Variants in KDM4B observed in about 807,000 individuals in gnomAD.
KDM4B encodes the protein lysine-specific demethylase 4B.
A neutral mutation model predicts 125.2 loss-of-function variants in KDM4B; 32 were observed. The ratio of observed to expected loss-of-function variants is 0.26; its 90% CI spans 0.19 to 0.34. The LOEUF (loss-of-function observed/expected upper bound fraction) is 0.34. KDM4B is among the 10% of genes least tolerant of loss of function. The probability of loss-of-function intolerance (pLI) is 1.00; values close to 1 mark genes in which losing one functional copy is unlikely to be tolerated. For missense variants in KDM4B, 1,190 were observed against 1,577.7 expected (o/e 0.75, Z 4.16); for synonymous variants, 721 against 677.9 (o/e 1.06, Z -0.99).
intron 9 of KDM4B, among the ~76,000 whole-genome samples, chr19:5,102,460 G>T (rs4807689): frequency 1.9e-4 from 29 of 152,268 alleles, no homozygotes; most frequent in Admixed American, 1.8e-3. Context: ...CAATGTGGAA[G>T]TCACCAAGGA....
At chr19:5,109,683 C>T (rs1005288837) in intron 9 of KDM4B, among the ~76,000 whole-genome samples, 1 of 152,272 alleles carries the variant, frequency 6.6e-6, no homozygotes, top group East Asian at 1.9e-4. Flanking sequence ...CCTCCCAGAC[C>T]CTCAGCATCT....
In KDM4B at chr19:5,147,984, C is replaced by T. The variant is rs796237981; in HGVS notation, c.3022-2374C>T. 3.9e-5 allele frequency among the ~76,000 whole-genome samples: 6 copies of T among 152,274 alleles called. No homozygotes were observed. In the South Asian group the frequency reaches 6.2e-4, roughly 16 times the overall value. On this transcript the variant is annotated intron_variant, in intron 21 of 22. Coordinates refer to ENST00000159111, the MANE Select transcript of KDM4B (RefSeq NM_015015.3). ...AGGGCCTGGTCAGCGGGGCGGGTGGCTGGGGTGGGCCCAGGTGACAGCGAG... is the reference window on the plus strand; with the variant it reads ...AGGGCCTGGTCAGCGGGGCGGGTGGTTGGGGTGGGCCCAGGTGACAGCGAG...
intron 2 of KDM4B, 51 bp from the exon 3 acceptor site, chr19:5,032,815 G>A: frequency 6.5e-7 from 1 of 1,534,416 alleles, no homozygotes; most frequent in South Asian, 1.2e-5. Context: ...GGGCTCCAAG[G>A]GCTGGGCATG....
chr19:5,051,806 G>A (rs559082392), intron 6 of KDM4B, among the ~76,000 whole-genome samples: 26 of 152,358 alleles, frequency 1.7e-4, no homozygotes, highest in Admixed American at 3.3e-4. Context: ...ATGACCCGCG[G>A]CAGTCTGGAA....
chr19:5,071,442 G>A lies in KDM4B; in HGVS notation c.676+383G>A, dbSNP rs533370465. ...CCTTGCTAATTCTGAGAAAGCCTAGGAAAGGAGACAATTCAGCCAGCAGTC... is the reference window on the plus strand; with the variant it reads ...CCTTGCTAATTCTGAGAAAGCCTAGAAAAGGAGACAATTCAGCCAGCAGTC... On this transcript the variant is annotated intron_variant, in intron 7 of 22. Coordinates refer to ENST00000159111, the MANE Select transcript of KDM4B (RefSeq NM_015015.3). Among the ~76,000 whole-genome samples the A allele has an allele frequency of 2.0e-5, 3 of 152,338 alleles. No homozygotes were observed. In the South Asian group the frequency reaches 6.2e-4, roughly 32 times the overall value.
In KDM4B at chr19:5,152,464, C is replaced by T. The variant is rs2039965124; in HGVS notation, c.*953C>T. ...CTCAGGATGAGGGAGGCCCCCAGGC[C>T]CTTCTGGTTGGTAGTGAGTGTGGAC... On this transcript the variant is annotated 3_prime_UTR_variant, in exon 23 of 23. Coordinates refer to ENST00000159111, the MANE Select transcript of KDM4B (RefSeq NM_015015.3). 6.6e-6 allele frequency: 1 copy of T among 152,336 alleles called. No individual in the cohort carries two copies. The highest frequency in any genetic ancestry group is 1.5e-5 in the Non-Finnish European group (1 of 68,136). 9.4% of individuals were successfully genotyped at this position (152,336 alleles called of 1,614,324 possible). A position where few individuals can be genotyped will look rare whatever the true frequency, so the allele number is the denominator to read the frequency against.
chr19:5,105,017 G>A (rs532872481), intron 9 of KDM4B, among the ~76,000 whole-genome samples: 1 of 152,360 alleles, frequency 6.6e-6, no homozygotes, highest in African/African-American at 2.4e-5. Flanking sequence ...CGCACCCCCT[G>A]GGCTCCGTCC....
intron 11 of KDM4B, among the ~76,000 whole-genome samples, chr19:5,126,155 A>G (rs1011415749): frequency 2.0e-5 from 3 of 152,108 alleles, no homozygotes; most frequent in African/African-American, 7.2e-5. Context: ...TGTTGCTCAC[A>G]GGGGCCAGGG....
chr19:5,009,250 C>A (rs1238669225), intron 1 of KDM4B, among the ~76,000 whole-genome samples: 3 of 152,120 alleles, frequency 2.0e-5, no homozygotes, highest in African/African-American at 7.2e-5. Context: ...ATGCCACCTT[C>A]CTCAGTTGGA....
intron 2 of KDM4B, among the ~76,000 whole-genome samples, chr19:5,024,726 G>A (rs941085476): frequency 5.9e-5 from 9 of 151,976 alleles, no homozygotes; most frequent in African/African-American, 1.9e-4. Context: ...CGAGGTGGGT[G>A]GATCATGAGG....
At chr19:5,135,232 C>T in intron 14 of KDM4B, 107 bp from the exon 15 acceptor site, 1 of 709,890 alleles carries the variant, frequency 1.4e-6, no homozygotes, top group Admixed American at 2.5e-5. Flanking sequence ...CCCTCCAGAG[C>T]CAGGGGGTGT....
intron 1 of KDM4B, among the ~76,000 whole-genome samples, chr19:4,984,764 C>A (rs905337154): frequency 2.6e-5 from 4 of 152,172 alleles, no homozygotes; most frequent in Non-Finnish European, 5.9e-5. Flanking sequence ...TGCCCTTGGG[C>A]TGTCCCCTGG....
Position 5,013,007 on chromosome 19 carries a change from C to T in KDM4B, c.-108-3250C>T, listed in dbSNP as rs571797112. The stretch of plus-strand genomic sequence containing the variant: ...TATTGCGGATGGGGACCAGGGTGGA[C>T]AGAGGCCTAGGCTCGGGCTGTGCCT... On this transcript the variant is annotated intron_variant, in intron 1 of 22. Transcript: ENST00000159111. Among the ~76,000 whole-genome samples, 3 of 152,314 alleles carry T rather than the reference C, an allele frequency of 2.0e-5. No individual in the cohort carries two copies. The East Asian group carries it at 5.8e-4, about 29-fold the overall frequency.
chr19:4,977,171 G>A (rs1377205693), intron 1 of KDM4B, among the ~76,000 whole-genome samples: 4 of 152,022 alleles, frequency 2.6e-5, no homozygotes, highest in African/African-American at 4.8e-5. Context: ...ACAAGTTTGC[G>A]TCCAGCCATC....
chr19:5,059,350 G>A (rs980982913), intron 6 of KDM4B, among the ~76,000 whole-genome samples: 1 of 152,218 alleles, frequency 6.6e-6, no homozygotes, highest in African/African-American at 2.4e-5. Flanking sequence ...GGCGCAGGAT[G>A]GGGCCGATGA....
chr19:5,031,467 G>A (rs963044670), intron 2 of KDM4B, among the ~76,000 whole-genome samples: 3 of 152,244 alleles, frequency 2.0e-5, no homozygotes, highest in Non-Finnish European at 2.9e-5. Flanking sequence ...GAGAAGCTGC[G>A]AGGACTCTGC....
intron 18 of KDM4B, among the ~76,000 whole-genome samples, chr19:5,139,345 G>A (rs528069679): frequency 2.1e-4 from 32 of 152,336 alleles, no homozygotes; most frequent in East Asian, 9.6e-4. Flanking sequence ...CCGGGCACCC[G>A]CCGATGTCTC....
At chr19:5,104,857 A>G (rs972273738) in intron 9 of KDM4B, among the ~76,000 whole-genome samples, 1 of 152,104 alleles carries the variant, frequency 6.6e-6, no homozygotes, top group East Asian at 1.9e-4. Flanking sequence ...CAGGTCCCAA[A>G]GTTGTCATTT....
In KDM4B at chr19:4,985,567, G is replaced by A. The variant is rs73538555; in HGVS notation, c.-109+16337G>A. Among the ~76,000 whole-genome samples the A allele has an allele frequency of 4.4e-3, 666 of 152,370 alleles. 9 individuals are homozygous for A. The highest frequency in any genetic ancestry group is 0.015 in the African/African-American group (630 of 41,600). On this transcript the variant is annotated intron_variant, in intron 1 of 22. Coordinates refer to ENST00000159111, the MANE Select transcript of KDM4B (RefSeq NM_015015.3). ...AGAGGATCCTGCTGTGCAGGCTGGG[G>A]CTGCCATGGGAGGCTTGGAGCCCGA...
Sources: allele counts gnomAD v4.1 joint callset (sites outside exome capture counted in the v4.1 genomes callset), GRCh38; gene constraint gnomAD v4.1.1; transcripts MANE v1.5; gene names NCBI Gene and HGNC (gene_info 2026-07-23, HGNC 2026-07-21).